LUZP2: variants seen among roughly 807,000 people sequenced by gnomAD.
The protein encoded by LUZP2 is leucine zipper protein 2.
Under a neutral mutation model 51.6 loss-of-function variants are expected in LUZP2, and 52 were observed. That is an observed-to-expected ratio of 1.01 (90% CI 0.81 to 1.27). The LOEUF is 1.27. LUZP2 is among the 50% of genes most tolerant of loss of function. The pLI, the probability that LUZP2 is intolerant of heterozygous loss-of-function variation, is 0.00. For synonymous variants in LUZP2, 154 were observed against 137.3 expected (o/e 1.12, Z -0.85); for missense variants, 436 against 395.4 (o/e 1.10, Z -0.87).
intron 7 of LUZP2, among the ~76,000 whole-genome samples, chr11:24,936,816 C>T (rs953170529): frequency 1.3e-5 from 2 of 152,236 alleles, no homozygotes; most frequent in South Asian, 2.1e-4. Flanking sequence ...ATAACCAACA[C>T]ATATTTTTAA....
chr11:25,035,476 C>G (rs1246990996), intron 9 of LUZP2, among the ~76,000 whole-genome samples: 1 of 151,810 alleles, frequency 6.6e-6, no homozygotes, highest in African/African-American at 2.4e-5. Context: ...ATACAGCTAA[C>G]CAAGGAGGTG....
chr11:24,660,324 T>C (rs879792969), intron 1 of LUZP2, among the ~76,000 whole-genome samples: 1 of 152,196 alleles, frequency 6.6e-6, no homozygotes, highest in Non-Finnish European at 1.5e-5. Flanking sequence ...ACAACTTTCA[T>C]GATTTTAATG....
chr11:24,898,351 G>A (rs1208050683), intron 5 of LUZP2, among the ~76,000 whole-genome samples: 2 of 152,166 alleles, frequency 1.3e-5, no homozygotes, highest in South Asian at 2.1e-4. Flanking sequence ...AAGGCCGGGC[G>A]CGGTGGCTCA....
intron 5 of LUZP2, among the ~76,000 whole-genome samples, chr11:24,773,408 G>A (rs1404872301): frequency 2.6e-5 from 4 of 152,102 alleles, no homozygotes; most frequent in South Asian, 2.1e-4. Flanking sequence ...AATAGCAAAC[G>A]TTAAGTAGCA....
At chr11:24,839,473 A>C (rs1328119253) in intron 5 of LUZP2, among the ~76,000 whole-genome samples, 1 of 151,788 alleles carries the variant, frequency 6.6e-6, no homozygotes, top group African/African-American at 2.4e-5. Flanking sequence ...TAATCAAGTC[A>C]ATTTATCACA....
chr11:24,662,322 A>G (rs1856050901), intron 1 of LUZP2, among the ~76,000 whole-genome samples: 1 of 152,160 alleles, frequency 6.6e-6, no homozygotes, highest in Non-Finnish European at 1.5e-5. Context: ...AATTTCTTAA[A>G]TAATTCTTTG....
intron 5 of LUZP2, among the ~76,000 whole-genome samples, chr11:24,803,465 A>T (rs1237231151): frequency 6.6e-6 from 1 of 152,098 alleles, no homozygotes; most frequent in African/African-American, 2.4e-5. Flanking sequence ...AAATATTCTA[A>T]AAATAGAATT....
intron 9 of LUZP2, among the ~76,000 whole-genome samples, chr11:25,020,972 G>A (rs1322457066): frequency 6.6e-6 from 1 of 151,870 alleles, no homozygotes; most frequent in East Asian, 1.9e-4. Context: ...AAAGTTCCTG[G>A]ATTCTGGTGA....
At chr11:25,031,743 G>T (rs1857694273) in intron 9 of LUZP2, among the ~76,000 whole-genome samples, 1 of 151,788 alleles carries the variant, frequency 6.6e-6, no homozygotes, top group Non-Finnish European at 1.5e-5. Flanking sequence ...CCTACAAAGG[G>T]TTACCTTAGC....
intron 9 of LUZP2, among the ~76,000 whole-genome samples, chr11:25,046,244 A>G (rs1054942926): frequency 1.4e-5 from 2 of 142,030 alleles, no homozygotes; most frequent in African/African-American, 5.2e-5. Context: ...AAAATGAGTC[A>G]ATGATTATTA....
At chr11:24,961,386 C>T (rs1855399238) in intron 7 of LUZP2, among the ~76,000 whole-genome samples, 2 of 152,120 alleles carry the variant, frequency 1.3e-5, no homozygotes, top group Non-Finnish European at 2.9e-5. Flanking sequence ...GAGTCTAAGT[C>T]TCTTTGTAGG....
rs1489454804 is a variant in LUZP2 at position 25,080,680 on chromosome 11, C to G, written c.*2022C>G. 2 of 152,138 alleles carry G rather than the reference C, an allele frequency of 1.3e-5. No individual in the cohort carries two copies. Among genetic ancestry groups the G allele is most frequent in the Non-Finnish European group, 2.9e-5 (2 of 68,020 alleles). The allele number at this position is 152,138 out of a possible 1,614,324, so 9.4% of individuals were successfully genotyped here. A position where few individuals can be genotyped will look rare whatever the true frequency, so the allele number is the denominator to read the frequency against. On this transcript the variant is annotated 3_prime_UTR_variant, in exon 12 of 12. Transcript: ENST00000336930. ...CTGTTCTCAGTGGCCCTAACCATCT[C>G]TATAGGTTCCTGACAGGGAAGCAGA...
chr11:24,506,037 C>T (rs1267366773), intron 1 of LUZP2, among the ~76,000 whole-genome samples: 1 of 151,966 alleles, frequency 6.6e-6, no homozygotes, highest in Admixed American at 6.6e-5. Flanking sequence ...ACAAGGACAG[C>T]GTAACATTAA....
chr11:24,500,147 T>G (rs1332653744), intron 1 of LUZP2, among the ~76,000 whole-genome samples: 1 of 152,174 alleles, frequency 6.6e-6, no homozygotes, highest in Non-Finnish European at 1.5e-5. Context: ...CAATCAGAGT[T>G]AATGTATTTG....
At chr11:24,786,665 T>C in intron 5 of LUZP2, 1 of 149,894 alleles carries the variant, frequency 6.7e-6, no homozygotes, top group Non-Finnish European at 1.5e-5. Flanking sequence ...ATATAATATA[T>C]AAATATGTAT....
chr11:24,947,155 G>C (rs1334614490), intron 7 of LUZP2, among the ~76,000 whole-genome samples: 1 of 151,924 alleles, frequency 6.6e-6, no homozygotes, highest in African/African-American at 2.4e-5. Context: ...TATATTACAT[G>C]TATTAAAGAC....
At chr11:24,917,706 G>A (rs1275167068) in intron 7 of LUZP2, among the ~76,000 whole-genome samples, 2 of 151,996 alleles carry the variant, frequency 1.3e-5, no homozygotes, top group Non-Finnish European at 2.9e-5. Context: ...CTCTGTTTTG[G>A]TACCAGTACC....
intron 5 of LUZP2, among the ~76,000 whole-genome samples, chr11:24,784,456 C>T (rs1849181053): frequency 6.6e-6 from 1 of 151,862 alleles, no homozygotes; most frequent in African/African-American, 2.4e-5. Flanking sequence ...TTTGTAAATA[C>T]TCTTTTCTTC....
In LUZP2 at chr11:24,983,123, TAGGAG is replaced by T; in HGVS notation, c.598-2_600del. On this transcript the variant is annotated splice_acceptor_variant and coding_sequence_variant, in exon 9 of 12. Coordinates refer to ENST00000336930, the MANE Select transcript of LUZP2 (RefSeq NM_001009909.4). LOFTEE classifies it high-confidence loss of function. Reference sequence around the variant, plus strand: ...AAATATGTTAATGCCTCTTTTTTTGTAGGAGTCACAGATGAAAGCAATGAAAGAGA... The same window carrying T: ...AAATATGTTAATGCCTCTTTTTTTGTTCACAGATGAAAGCAATGAAAGAGA... The T allele has an allele frequency of 6.2e-7, 1 of 1,610,246 alleles. No homozygotes were observed.
Sources: allele counts gnomAD v4.1 joint callset (sites outside exome capture counted in the v4.1 genomes callset), GRCh38; gene constraint gnomAD v4.1.1; transcripts MANE v1.5; gene names NCBI Gene and HGNC (gene_info 2026-07-23, HGNC 2026-07-21).